Variants in RNF169 observed in about 807,000 individuals in gnomAD.
The protein encoded by RNF169 is E3 ubiquitin-protein ligase RNF169.
A neutral mutation model predicts 53.9 loss-of-function variants in RNF169; 24 were observed. The observed-to-expected ratio is 0.45, with a 90% CI of 0.32 to 0.63. RNF169 has a LOEUF of 0.63. Among genes scored for constraint, RNF169 ranks in the 20% least tolerant of loss-of-function variants. The probability of loss-of-function intolerance (pLI) is 0.04; values close to 1 mark genes in which losing one functional copy is unlikely to be tolerated. For synonymous variants in RNF169, 396 were observed against 363.5 expected (o/e 1.09, Z -1.02); for missense variants, 883 against 906.2 (o/e 0.97, Z 0.33).
intron 2 of RNF169, chr11:74,808,222 T>C (rs1392373632): frequency 6.6e-6 from 1 of 151,974 alleles, no homozygotes; most frequent in African/African-American, 2.4e-5. Context: ...AAATAAACTA[T>C]TTGGAGGCAG....
At chr11:74,788,175 G>A (rs1055778677) in intron 1 of RNF169, among the ~76,000 whole-genome samples, 1 of 152,132 alleles carries the variant, frequency 6.6e-6, no homozygotes, top group Non-Finnish European at 1.5e-5. Context: ...AGCAAAGTCT[G>A]TGTAATACAA....
chr11:74,781,803 CAT>C (rs1238541514), intron 1 of RNF169, among the ~76,000 whole-genome samples: 15 of 152,282 alleles, frequency 9.9e-5, no homozygotes, highest in African/African-American at 3.6e-4. Context: ...TGTGTTAAAT[CAT>C]AGCTCTTTCA....
In RNF169 at chr11:74,751,399, C is replaced by T. The variant is rs370924348; in HGVS notation, c.502+2017C>T. 8.5e-5 allele frequency among the ~76,000 whole-genome samples: 13 copies of T among 152,094 alleles called. No individual in the cohort carries two copies. In the East Asian group the frequency reaches 1.7e-3, roughly 20 times the overall value. Reference sequence around the variant, plus strand: ...GCTTTATAGTCTGAGATTATGGTCACGATATAAGACAGTATTTCTCTGGTC... The same window carrying T: ...GCTTTATAGTCTGAGATTATGGTCATGATATAAGACAGTATTTCTCTGGTC... On this transcript the variant is annotated intron_variant, in intron 1 of 5. Transcript: ENST00000299563.
rs1277885087 is a variant in RNF169, at chr11:74,842,312, T to C, written c.*5582T>C. On this transcript the variant is annotated 3_prime_UTR_variant, in exon 6 of 6. Transcript: ENST00000299563. ...GCATGGAATCAAGTGGGCTGATGTGTTGTTATTTAAACAGTACCAAAGTGC... is the reference window on the plus strand; with the variant it reads ...GCATGGAATCAAGTGGGCTGATGTGCTGTTATTTAAACAGTACCAAAGTGC... The C allele has an allele frequency of 3.9e-5, 6 of 152,212 alleles. No individual in the cohort carries two copies. Among genetic ancestry groups the C allele is most frequent in the Non-Finnish European group, 7.3e-5 (5 of 68,046 alleles). 9.4% of individuals were successfully genotyped at this position (152,212 alleles called of 1,614,324 possible).
chr11:74,763,177 A>G (rs1357679737), intron 1 of RNF169, among the ~76,000 whole-genome samples: 1 of 152,210 alleles, frequency 6.6e-6, no homozygotes, highest in East Asian at 1.9e-4. Flanking sequence ...GGTTTATATT[A>G]TATGGCTCAG....
chr11:74,782,398 T>C (rs959814551), intron 1 of RNF169, among the ~76,000 whole-genome samples: 1 of 152,138 alleles, frequency 6.6e-6, no homozygotes, highest in African/African-American at 2.4e-5. Context: ...AGTGGCAGCA[T>C]TAGATTCTCA....
intron 1 of RNF169, among the ~76,000 whole-genome samples, chr11:74,759,929 C>T (rs1240834709): frequency 6.6e-6 from 1 of 151,000 alleles, no homozygotes; most frequent in Non-Finnish European, 1.5e-5. Context: ...GGCTGTGAAT[C>T]CATCTGGTCC....
intron 4 of RNF169, among the ~76,000 whole-genome samples, chr11:74,824,780 A>G (rs2036068709): frequency 6.6e-6 from 1 of 152,248 alleles, no homozygotes; most frequent in African/African-American, 2.4e-5. Context: ...AAAAAATGCA[A>G]TATCAGCAAT....
chr11:74,822,036 A>AGG (rs1390588858), intron 4 of RNF169, among the ~76,000 whole-genome samples: 1 of 150,868 alleles, frequency 6.6e-6, no homozygotes, highest in African/African-American at 2.5e-5. Flanking sequence ...AGTGAGAGAG[A>AGG]GAGAGAGGTG....
At chr11:74,829,705 G>A (rs2036149083) in intron 4 of RNF169, among the ~76,000 whole-genome samples, 1 of 152,174 alleles carries the variant, frequency 6.6e-6, no homozygotes, top group Non-Finnish European at 1.5e-5. Context: ...GGCATGGATG[G>A]AGCTGGAAGC....
rs376048273 is a variant in RNF169, at chr11:74,836,657, G to A, written c.2054G>A (p.Arg685Gln). The A allele has an allele frequency of 3.3e-5, 54 of 1,613,752 alleles. No individual in the cohort carries two copies. Among genetic ancestry groups the A allele is most frequent in the Middle Eastern group, 1.6e-4 (1 of 6,084 alleles). Residue 685 changes from arginine (R) to glutamine (Q), a missense_variant, in exon 6 of 6, where the codon CGG (arginine) becomes CAG (glutamine). Coordinates refer to ENST00000299563, the MANE Select transcript of RNF169 (RefSeq NM_001098638.2). ...QLQRMFDNER[R>Q]TVSRRKGSVD... ...CAGCGCATGTTCGACAATGAGAGGC[G>A]GACTGTGAGCCGGCGAAAAGGAAGT...
chr11:74,803,883 A>T (rs1248716720), intron 2 of RNF169, among the ~76,000 whole-genome samples: 1 of 152,278 alleles, frequency 6.6e-6, no homozygotes, highest in African/African-American at 2.4e-5. Context: ...TAAATATTGT[A>T]CAGGCATTTC....
At chr11:74,774,413 A>G (rs1450532951) in intron 1 of RNF169, among the ~76,000 whole-genome samples, 1 of 151,952 alleles carries the variant, frequency 6.6e-6, no homozygotes, top group Non-Finnish European at 1.5e-5. Context: ...AGTTTATCCC[A>G]GATTGATAAC....
intron 1 of RNF169, among the ~76,000 whole-genome samples, chr11:74,774,345 CAA>C (rs35058879): frequency 8.0e-6 from 1 of 125,550 alleles, no homozygotes. Flanking sequence ...GACCCTGTTT[CAA>C]AAAAAAAAAA....
chr11:74,804,035 A>G (rs1003515341), intron 2 of RNF169, among the ~76,000 whole-genome samples: 2 of 152,324 alleles, frequency 1.3e-5, no homozygotes, highest in Non-Finnish European at 2.9e-5. Flanking sequence ...TGAGAGAAAA[A>G]AAATCACTTC....
At chr11:74,774,950 G>C (rs1001786011) in intron 1 of RNF169, among the ~76,000 whole-genome samples, 9 of 152,138 alleles carry the variant, frequency 5.9e-5, no homozygotes, top group African/African-American at 2.2e-4. Context: ...ACAGAGACTG[G>C]ACGACAGAGT....
chr11:74,802,604 T>C (rs1003423286), intron 2 of RNF169, among the ~76,000 whole-genome samples: 5 of 152,138 alleles, frequency 3.3e-5, no homozygotes, highest in African/African-American at 9.7e-5. Flanking sequence ...GATCATGCCA[T>C]TGTGCTCCAG....
intron 1 of RNF169, among the ~76,000 whole-genome samples, chr11:74,767,650 A>G (rs1591392525): frequency 1.3e-5 from 2 of 151,676 alleles, no homozygotes; most frequent in Admixed American, 1.3e-4. Context: ...GCTCACTGCA[A>G]CCTCCGCCTC....
At chr11:74,795,686 C>A (rs572632391) in intron 2 of RNF169, among the ~76,000 whole-genome samples, 2 of 151,572 alleles carry the variant, frequency 1.3e-5, no homozygotes, top group East Asian at 1.9e-4. Context: ...TATAGTGAGA[C>A]CCTATCTCTA....
Sources: gnomAD v4.1 joint callset for allele counts (sites outside exome capture counted in the v4.1 genomes callset) on GRCh38, gnomAD v4.1.1 for gene constraint, MANE v1.5 for transcripts, NCBI Gene and HGNC (gene_info 2026-07-23, HGNC 2026-07-21) for gene names.